TNFSF4: variants seen among roughly 807,000 people sequenced by gnomAD.
The protein encoded by TNFSF4 is tumor necrosis factor ligand superfamily member 4.
A neutral mutation model predicts 7.3 loss-of-function variants in TNFSF4; 4 were observed. That is an observed-to-expected ratio of 0.55 (90% CI 0.27 to 1.25). The LOEUF (loss-of-function observed/expected upper bound fraction) is 1.25. Ranked by LOEUF, TNFSF4 falls within the 50% of genes most tolerant of loss-of-function variation. The probability of loss-of-function intolerance (pLI) is 0.12; values close to 1 mark genes in which losing one functional copy is unlikely to be tolerated. For missense variants in TNFSF4, 181 were observed against 208.8 expected (o/e 0.87, Z 0.82); for synonymous variants, 76 against 83.7 (o/e 0.91, Z 0.50).
Position 173,188,582 on chromosome 1 carries a change from G to A in TNFSF4, c.154-13C>T, listed in dbSNP as rs777607460. 4.4e-6 allele frequency: 7 copies of A among 1,606,838 alleles called. No individual in the cohort carries two copies. In the South Asian group the frequency reaches 4.4e-5, roughly 10 times the overall value. ...ACCGATGTGATACCTGAGGGAGGAA[G>A]AAAGACATATTCTTAGGAAAAAAAC... On this transcript the variant is annotated splice_polypyrimidine_tract_variant and intron_variant, in intron 1 of 2. Transcript: ENST00000281834.
chr1:173,195,751 C>T (rs1649670794), intron 1 of TNFSF4, among the ~76,000 whole-genome samples: 1 of 152,226 alleles, frequency 6.6e-6, no homozygotes, highest in Non-Finnish European at 1.5e-5. Context: ...GAAGTGGGCT[C>T]TGCACTCACT....
chr1:173,374,762 G>T, the TNFSF4 span, among the ~76,000 whole-genome samples: 2 of 152,172 alleles, frequency 1.3e-5, no homozygotes, highest in South Asian at 4.2e-4. Flanking sequence ...ACTATATACT[G>T]TGGCTCCTGC....
At chr1:173,297,279 C>T in the TNFSF4 span, among the ~76,000 whole-genome samples, 1 of 151,718 alleles carries the variant, frequency 6.6e-6, no homozygotes, top group African/African-American at 2.4e-5. Context: ...TTTAAGAAAT[C>T]TTGGGGGGCA....
chr1:173,267,223 C>A, the TNFSF4 span, among the ~76,000 whole-genome samples: 6 of 152,140 alleles, frequency 3.9e-5, no homozygotes, highest in Non-Finnish European at 7.4e-5. Flanking sequence ...CCCATTCTTT[C>A]TGCAAACATA....
the TNFSF4 span, among the ~76,000 whole-genome samples, chr1:173,329,204 T>C: frequency 1.3e-5 from 2 of 152,218 alleles, no homozygotes; most frequent in African/African-American, 4.8e-5. Context: ...GACCTCCCAC[T>C]GATACCAGAA....
At chr1:173,256,611 T>G in the TNFSF4 span, among the ~76,000 whole-genome samples, 1 of 152,190 alleles carries the variant, frequency 6.6e-6, no homozygotes, top group East Asian at 1.9e-4. Context: ...ACTGAGAAAC[T>G]TTCACAGCCT....
the TNFSF4 span, among the ~76,000 whole-genome samples, chr1:173,229,504 C>T: frequency 2.0e-5 from 3 of 152,158 alleles, no homozygotes; most frequent in Non-Finnish European, 4.4e-5. Context: ...ACCATCGATG[C>T]TAGGAAGAAA....
At chr1:173,258,031 A>G in the TNFSF4 span, among the ~76,000 whole-genome samples, 3 of 152,306 alleles carry the variant, frequency 2.0e-5, no homozygotes, top group African/African-American at 7.2e-5. Context: ...AGGGCCCACC[A>G]TTAATAAAGT....
chr1:173,374,101 TA>T, the TNFSF4 span, among the ~76,000 whole-genome samples: 1 of 152,156 alleles, frequency 6.6e-6, no homozygotes, highest in Non-Finnish European at 1.5e-5. Context: ...ATGCCCTTGT[TA>T]AAAATCCGAA....
chr1:173,350,317 C>T, the TNFSF4 span, among the ~76,000 whole-genome samples: 1 of 152,214 alleles, frequency 6.6e-6, no homozygotes, highest in Non-Finnish European at 1.5e-5. Flanking sequence ...CAGGGCAGGC[C>T]AGCACAATTC....
At chr1:173,197,639 G>A (rs898102747) in intron 1 of TNFSF4, among the ~76,000 whole-genome samples, 1 of 152,148 alleles carries the variant, frequency 6.6e-6, no homozygotes, top group Non-Finnish European at 1.5e-5. Flanking sequence ...TGAACAATGA[G>A]AACACATGGA....
the TNFSF4 span, among the ~76,000 whole-genome samples, chr1:173,407,703 G>GGTGTGTGTGTGTGTGTGTGTGT: frequency 2.1e-4 from 31 of 148,250 alleles, no homozygotes; most frequent in African/African-American, 7.0e-4. Context: ...GATGTAAATG[G>GGTGTGTGTGTGTGTGTGTGTGT]GTGTGTGTGT....
chr1:173,191,127 A>G (rs966870130), intron 1 of TNFSF4, among the ~76,000 whole-genome samples: 1 of 152,164 alleles, frequency 6.6e-6, no homozygotes, highest in South Asian at 2.1e-4. Context: ...AACTTAAGGA[A>G]TGTTCCAACT....
the TNFSF4 span, among the ~76,000 whole-genome samples, chr1:173,233,912 A>G: frequency 6.6e-4 from 101 of 152,326 alleles, no homozygotes; most frequent in Admixed American, 2.1e-3. Flanking sequence ...CTAAAACACT[A>G]AAAGCAATGG....
the TNFSF4 span, among the ~76,000 whole-genome samples, chr1:173,391,087 T>C: frequency 6.6e-6 from 1 of 152,078 alleles, no homozygotes; most frequent in Non-Finnish European, 1.5e-5. Flanking sequence ...ATTATGAAAC[T>C]GGCCATGTTT....
chr1:173,351,663 G>T, the TNFSF4 span: 1 of 275,462 alleles, frequency 3.6e-6, no homozygotes, highest in Non-Finnish European at 6.7e-6. Flanking sequence ...CATGTTAAGA[G>T]GGAAGTTTAT....
At chr1:173,432,766 G>A in the TNFSF4 span, among the ~76,000 whole-genome samples, 2 of 151,814 alleles carry the variant, frequency 1.3e-5, no homozygotes, top group Non-Finnish European at 1.5e-5. Flanking sequence ...ACCAGTTTTA[G>A]GTGTTTTACC....
At chr1:173,417,067 C>T in the TNFSF4 span, among the ~76,000 whole-genome samples, 2 of 152,168 alleles carry the variant, frequency 1.3e-5, no homozygotes, top group South Asian at 4.1e-4. Context: ...TTGTGTCCCA[C>T]GGAATGCTAA....
the TNFSF4 span, among the ~76,000 whole-genome samples, chr1:173,232,271 T>A: frequency 6.6e-6 from 1 of 152,202 alleles, no homozygotes; most frequent in African/African-American, 2.4e-5. Flanking sequence ...TCTCTGATTG[T>A]CTGTTATTGG....
Sources: allele counts gnomAD v4.1 joint callset (sites outside exome capture counted in the v4.1 genomes callset), GRCh38; gene constraint gnomAD v4.1.1; transcripts MANE v1.5; gene names NCBI Gene and HGNC (gene_info 2026-07-23, HGNC 2026-07-21).